NECAB2: variants seen among roughly 807,000 people sequenced by gnomAD.
NECAB2 encodes the protein N-terminal EF-hand calcium binding protein 2, also known as N-terminal EF-hand calcium-binding protein 2.
A neutral mutation model predicts 51.9 loss-of-function variants in NECAB2; 68 were observed. That is an observed-to-expected ratio of 1.31 (90% CI 1.08 to 1.60). The LOEUF is 1.60. Among genes scored for constraint, NECAB2 ranks in the 40% most tolerant of loss-of-function variants. The pLI is 0.00. For missense variants in NECAB2, 854 were observed against 490.3 expected (o/e 1.74, Z -7.00); for synonymous variants, 329 against 203.5 (o/e 1.62, Z -5.25).
rs2084802020 is a variant in NECAB2, at chr16:84,000,280, G to T, written c.963-444G>T. Among the ~76,000 whole-genome samples the T allele has an allele frequency of 2.7e-5, 4 of 150,584 alleles. No homozygotes were observed. In the South Asian group the frequency reaches 8.3e-4, roughly 31 times the overall value. ...CACAGTGGCTGAAGTTTGCAATCCT[G>T]GCACTTTGGGAAGCCAAGGTGAGAA... On this transcript the variant is annotated intron_variant, in intron 10 of 12. Coordinates refer to ENST00000305202, the MANE Select transcript of NECAB2 (RefSeq NM_019065.3).
intron 2 of NECAB2, among the ~76,000 whole-genome samples, chr16:83,972,875 A>G (rs1486414340): frequency 1.3e-5 from 2 of 152,182 alleles, no homozygotes; most frequent in Non-Finnish European, 2.9e-5. Context: ...GGCCCAGCTG[A>G]GCCTCGGCTG....
intron 5 of NECAB2, among the ~76,000 whole-genome samples, chr16:83,982,147 C>T (rs1009743894): frequency 1.3e-5 from 2 of 152,206 alleles, no homozygotes; most frequent in Non-Finnish European, 2.9e-5. Flanking sequence ...TATCAATACG[C>T]TCCTACTGTA....
In NECAB2 at chr16:84,002,465, G is replaced by A. The variant is rs1341596947; in HGVS notation, c.*119G>A. On this transcript the variant is annotated 3_prime_UTR_variant, in exon 13 of 13. Transcript: ENST00000305202. Reference sequence around the variant, plus strand: ...CTTCTTTTCAATCCATCCTCCACAAGAAGGTGTTTCCCTGTTGTTAAGTGA... The same window carrying A: ...CTTCTTTTCAATCCATCCTCCACAAAAAGGTGTTTCCCTGTTGTTAAGTGA... 47 of 1,332,164 alleles carry A rather than the reference G, an allele frequency of 3.5e-5. No individual in the cohort carries two copies. The highest frequency in any genetic ancestry group is 4.8e-5 in the Non-Finnish European group (45 of 937,558). The allele number at this position is 1,332,164 out of a possible 1,614,324, so 82.5% of individuals were successfully genotyped here. A position where few individuals can be genotyped will look rare whatever the true frequency, so the allele number is the denominator to read the frequency against.
chr16:83,985,078 C>T (rs531161052), intron 5 of NECAB2, among the ~76,000 whole-genome samples: 8 of 152,022 alleles, frequency 5.3e-5, no homozygotes, highest in South Asian at 2.1e-4. Context: ...TTTGGGAGGC[C>T]GGGGCGGGCA....
chr16:83,983,764 C>T (rs572872112), intron 5 of NECAB2, among the ~76,000 whole-genome samples: 1 of 152,124 alleles, frequency 6.6e-6, no homozygotes, highest in Non-Finnish European at 1.5e-5. Context: ...GAGTGGAGAT[C>T]GGATGATAGC....
In NECAB2 at chr16:83,968,458, C is replaced by T. The variant is rs1414141990; in HGVS notation, c.-191C>T. On this transcript the variant is annotated 5_prime_UTR_variant, in exon 1 of 13. Coordinates refer to ENST00000305202, the MANE Select transcript of NECAB2 (RefSeq NM_019065.3). ...CGGCGGGGGTGGGGGCGGCGGGGAG[C>T]GGGCACGTGGCTCGGGGTCCGGCCG... Among the ~76,000 whole-genome samples, 1 of 145,726 alleles carries T rather than the reference C, an allele frequency of 6.9e-6. No homozygotes were observed. Among genetic ancestry groups the T allele is most frequent in the African/African-American group, 2.5e-5 (1 of 40,504 alleles).
upstream of NECAB2, among the ~76,000 whole-genome samples, chr16:83,967,053 A>C (rs1339235023): frequency 1.3e-5 from 2 of 152,004 alleles, no homozygotes; most frequent in Non-Finnish European, 2.9e-5. Flanking sequence ...TGTATTTTTA[A>C]TAGAGACGGG....
chr16:83,970,147 G>C (rs1026613507), intron 1 of NECAB2, among the ~76,000 whole-genome samples: 1 of 152,208 alleles, frequency 6.6e-6, no homozygotes, highest in Non-Finnish European at 1.5e-5. Context: ...GCCCTGCCCA[G>C]TCAGGGTGGG....
intron 1 of NECAB2, among the ~76,000 whole-genome samples, chr16:83,969,924 G>A (rs1254375242): frequency 1.3e-5 from 2 of 152,194 alleles, no homozygotes; most frequent in Admixed American, 6.5e-5. Context: ...CCCTTGGCCG[G>A]GGTCTGGGCT....
intron 4 of NECAB2, 55 bp downstream of exon 4, chr16:83,980,919 G>A (rs1196616744): frequency 1.9e-5 from 30 of 1,612,456 alleles, no homozygotes; most frequent in Non-Finnish European, 2.5e-5. Flanking sequence ...GGGGCTGGAT[G>A]AGAAGGGCCT....
At chr16:83,965,729 G>A (rs1255861594), upstream of NECAB2, 3 of 1,613,654 alleles carry the variant, frequency 1.9e-6, no homozygotes, top group Non-Finnish European at 2.5e-6. Flanking sequence ...TGTCGAGAAG[G>A]TGTTTGGGGT....
chr16:83,998,977 GC>G (rs1012811884), intron 10 of NECAB2, among the ~76,000 whole-genome samples: 3 of 152,030 alleles, frequency 2.0e-5, no homozygotes, highest in East Asian at 1.9e-4. Context: ...GTGGTCCCCC[GC>G]CCCCCGTTTC....
intron 2 of NECAB2, among the ~76,000 whole-genome samples, chr16:83,973,984 A>G (rs1023850212): frequency 3.9e-5 from 6 of 152,040 alleles, no homozygotes; most frequent in African/African-American, 7.3e-5. Context: ...CCCCTCGGGC[A>G]CAGATGGGGT....
At chr16:83,994,578 T>C (rs2084670844) in intron 7 of NECAB2, 31 bp from the exon 8 acceptor site, 2 of 1,613,682 alleles carry the variant, frequency 1.2e-6, no homozygotes, top group East Asian at 2.2e-5. Context: ...TGCCCACCAC[T>C]GAAGTCTGTG....
intron 10 of NECAB2, among the ~76,000 whole-genome samples, chr16:83,999,030 C>T (rs1326556829): frequency 6.6e-6 from 1 of 152,158 alleles, no homozygotes; most frequent in African/African-American, 2.4e-5. Flanking sequence ...GGGCTTTCTT[C>T]CATCCCCAGA....
intron 5 of NECAB2, among the ~76,000 whole-genome samples, chr16:83,982,090 A>T (rs1348778933): frequency 6.6e-6 from 1 of 152,204 alleles, no homozygotes; most frequent in Non-Finnish European, 1.5e-5. Flanking sequence ...CCTCTGAGCT[A>T]TTGAGCATGC....
chr16:83,965,896 C>T, upstream of NECAB2: 1 of 1,612,884 alleles, frequency 6.2e-7, no homozygotes, highest in African/African-American at 1.3e-5. Context: ...GCCAGGAGGG[C>T]CTGTACGCCA....
chr16:83,987,087 G>A (rs72793616), intron 5 of NECAB2, among the ~76,000 whole-genome samples: 1 of 151,890 alleles, frequency 6.6e-6, no homozygotes, highest in Non-Finnish European at 1.5e-5. Context: ...CCTGTAACAA[G>A]TTCTCAAATC....
At chr16:83,992,891 C>G (rs977558941) in intron 6 of NECAB2, among the ~76,000 whole-genome samples, 2 of 152,156 alleles carry the variant, frequency 1.3e-5, no homozygotes, top group African/African-American at 2.4e-5. Flanking sequence ...TTTCCTGTTA[C>G]TATCTTGATG....
Sources: gnomAD v4.1 joint callset for allele counts (sites outside exome capture counted in the v4.1 genomes callset) on GRCh38, gnomAD v4.1.1 for gene constraint, MANE v1.5 for transcripts, NCBI Gene and HGNC (gene_info 2026-07-23, HGNC 2026-07-21) for gene names.